POLK: variants seen among roughly 807,000 people sequenced by gnomAD.
POLK encodes the protein polymerase (DNA directed) kappa.
Under a neutral mutation model 94.0 loss-of-function variants are expected in POLK, and 76 were observed. The observed-to-expected ratio is 0.81, with a 90% confidence interval of 0.67 to 0.98. The LOEUF is 0.98. POLK is among the 50% of genes least tolerant of loss of function. The pLI is 0.00. For missense variants in POLK, 954 were observed against 1,010.1 expected (o/e 0.94, Z 0.75); for synonymous variants, 349 against 325.4 (o/e 1.07, Z -0.78).
At chr5:75,516,449 A>T (rs1036950397) in intron 1 of POLK, among the ~76,000 whole-genome samples, 5 of 152,204 alleles carry the variant, frequency 3.3e-5, no homozygotes, top group African/African-American at 1.2e-4. Context: ...TAAAAATTAA[A>T]ATAAAATTAA....
exon 1 of POLK, chr5:75,511,913 G>C (rs1768035301): frequency 3.2e-6 from 4 of 1,264,656 alleles, no homozygotes; most frequent in South Asian, 1.4e-5. Context: ...CTGAGGTAAC[G>C]GGTGAGTATC....
At chr5:75,536,818 C>T (rs1471410649) in intron 1 of POLK, among the ~76,000 whole-genome samples, 1 of 152,110 alleles carries the variant, frequency 6.6e-6, no homozygotes, top group Non-Finnish European at 1.5e-5. Context: ...GCTGAGTTCA[C>T]ACAGATGTGG....
At chr5:75,573,463 T>A (rs979482943) in intron 4 of POLK, among the ~76,000 whole-genome samples, 2 of 152,136 alleles carry the variant, frequency 1.3e-5, no homozygotes, top group African/African-American at 4.8e-5. Context: ...TGTATACATA[T>A]GTAACTAACT....
At chr5:75,536,148 G>A (rs1379231816) in intron 1 of POLK, among the ~76,000 whole-genome samples, 2 of 151,956 alleles carry the variant, frequency 1.3e-5, no homozygotes, top group Non-Finnish European at 1.5e-5. Context: ...ATGCCCTTGG[G>A]GATTTGATTA....
chr5:75,536,897 A>G (rs939151500), intron 1 of POLK, among the ~76,000 whole-genome samples: 1 of 152,158 alleles, frequency 6.6e-6, no homozygotes, highest in Non-Finnish European at 1.5e-5. Context: ...GGGTAGGGTC[A>G]TGTAGTTTGC....
At chr5:75,587,110 C>A (rs1554062088) in intron 10 of POLK, 52 bp downstream of exon 10, 4 of 1,017,752 alleles carry the variant, frequency 3.9e-6, no homozygotes, top group Non-Finnish European at 5.9e-6. Flanking sequence ...TTATTTTAAA[C>A]TAATATTGAA....
At chr5:75,529,154 A>C (rs1409800478) in intron 1 of POLK, among the ~76,000 whole-genome samples, 1 of 152,178 alleles carries the variant, frequency 6.6e-6, no homozygotes, top group East Asian at 1.9e-4. Context: ...TGCAGGCTAT[A>C]TAGGAAGCAT....
chr5:75,579,050 A>T (rs919849538), intron 6 of POLK, among the ~76,000 whole-genome samples: 1 of 152,258 alleles, frequency 6.6e-6, no homozygotes, highest in South Asian at 2.1e-4. Flanking sequence ...CTCACAAAAA[A>T]GTAGAAAGTA....
intron 3 of POLK, among the ~76,000 whole-genome samples, chr5:75,559,505 GTTTTTTTGTTTTGTTTTGTT>G (rs1323917043): frequency 8.4e-4 from 59 of 70,108 alleles, no homozygotes; most frequent in Middle Eastern, 8.1e-3. Context: ...TTTGGGGTTT[GTTTTTTTGTTTTGTTTTGTT>G]TTTTTTTTTT....
At chr5:75,549,498 T>C (rs1169766864) in intron 2 of POLK, among the ~76,000 whole-genome samples, 1 of 152,076 alleles carries the variant, frequency 6.6e-6, no homozygotes, top group Non-Finnish European at 1.5e-5. Context: ...GAAGCTTTGC[T>C]TTCATATAAA....
At chr5:75,544,938 C>T (rs1269866291) in intron 1 of POLK, among the ~76,000 whole-genome samples, 2 of 152,154 alleles carry the variant, frequency 1.3e-5, no homozygotes, top group South Asian at 2.1e-4. Context: ...CTGGGCACTA[C>T]GAAATAACAT....
At chr5:75,591,564 A>G (rs2112870140) in intron 11 of POLK, among the ~76,000 whole-genome samples, 1 of 152,298 alleles carries the variant, frequency 6.6e-6, no homozygotes, top group East Asian at 1.9e-4. Context: ...ACTGACATTT[A>G]ATACATTGTC....
At chr5:75,556,104 G>A (rs1039558473) in intron 3 of POLK, among the ~76,000 whole-genome samples, 24 of 152,274 alleles carry the variant, frequency 1.6e-4, no homozygotes, top group African/African-American at 1.2e-4. Context: ...CTTCCAAAGC[G>A]ACCATACCAT....
intron 3 of POLK, among the ~76,000 whole-genome samples, chr5:75,555,050 A>G (rs953522411): frequency 6.6e-6 from 1 of 152,176 alleles, no homozygotes; most frequent in African/African-American, 2.4e-5. Context: ...AAGATTTTCC[A>G]TATACTCCTG....
intron 6 of POLK, among the ~76,000 whole-genome samples, chr5:75,577,718 T>C (rs553137414): frequency 2.6e-5 from 4 of 152,294 alleles, no homozygotes; most frequent in African/African-American, 9.6e-5. Flanking sequence ...TTTGTAACTT[T>C]CCCTGAAGCA....
chr5:75,528,139 A>AATATG (rs1768963549), intron 1 of POLK, among the ~76,000 whole-genome samples: 1 of 152,234 alleles, frequency 6.6e-6, no homozygotes. Flanking sequence ...ACTAGAAAAC[A>AATATG]ATATGTAGGA....
chr5:75,584,319 T>C (rs931773475), intron 8 of POLK, among the ~76,000 whole-genome samples: 5 of 152,152 alleles, frequency 3.3e-5, no homozygotes, highest in Non-Finnish European at 5.9e-5. Context: ...AACGCTAGTT[T>C]AGTAAATGTG....
intron 3 of POLK, among the ~76,000 whole-genome samples, chr5:75,561,660 A>T (rs1397480015): frequency 1.3e-5 from 2 of 152,140 alleles, no homozygotes; most frequent in African/African-American, 2.4e-5. Flanking sequence ...TAAGTCTTTA[A>T]TCCATCTTGA....
chr5:75,536,485 C>A (rs533684256), intron 1 of POLK, among the ~76,000 whole-genome samples: 1 of 152,244 alleles, frequency 6.6e-6, no homozygotes, highest in East Asian at 1.9e-4. Context: ...GCCTGCTCTG[C>A]CATCTGGGTG....
Sources: gnomAD v4.1 joint callset for allele counts (sites outside exome capture counted in the v4.1 genomes callset) on GRCh38, gnomAD v4.1.1 for gene constraint, MANE v1.5 for transcripts, NCBI Gene and HGNC (gene_info 2026-07-23, HGNC 2026-07-21) for gene names.